ULK2: variants seen among roughly 807,000 people sequenced by gnomAD.
The protein encoded by ULK2 is unc-51 like autophagy activating kinase 2.
In ULK2, 76 loss-of-function variants were observed where a neutral mutation model predicts 127.5. The observed-to-expected ratio is 0.60, with a 90% CI of 0.50 to 0.72. The LOEUF is 0.72. ULK2 is among the 30% of genes least tolerant of loss of function. The probability of loss-of-function intolerance (pLI) is 0.00; values close to 1 mark genes in which losing one functional copy is unlikely to be tolerated. For synonymous variants in ULK2, 452 were observed against 461.9 expected, an observed-to-expected ratio of 0.98 and a Z score of 0.28; for missense variants, 1,144 against 1,295.9, an observed-to-expected ratio of 0.88 and a Z score of 1.80.
intron 2 of ULK2, among the ~76,000 whole-genome samples, chr17:19,865,068 A>C (rs2042324641): frequency 6.6e-6 from 1 of 151,188 alleles, no homozygotes; most frequent in Non-Finnish European, 1.5e-5. Context: ...TACAATTCTT[A>C]AAAAAGAGCT....
chr17:19,777,716 C>G lies in ULK2; in HGVS notation c.2917G>C (p.Val973Leu). Residue 973 changes from valine to leucine, a missense_variant and splice_region_variant, in exon 26 of 27, where the codon GTT (valine) becomes CTT (leucine). Physicochemically the swap from Val to Leu is conservative, Grantham distance 32. Around this residue, in one of 2 missense-constraint regions of ULK2, gnomAD observed 913 missense variants for 970.5 expected, o/e 0.94. Coordinates refer to ENST00000395544, the MANE Select transcript of ULK2 (RefSeq NM_014683.4). ...ATCTCATCCAGGGCTGCAGACTGAA[C>G]CTGGAACCAGTCAACAAAAACACAA... The part of the protein sequence containing the change: ...KLIYNCAVEM[V>L]QSAALDEMFQ... 6.3e-7 allele frequency: 1 copy of G among 1,595,048 alleles called. No individual in the cohort carries two copies.
At chr17:19,845,190 A>G in intron 7 of ULK2, 114 bp downstream of exon 7, 1 of 901,478 alleles carries the variant, frequency 1.1e-6, no homozygotes, top group Admixed American at 2.4e-5. Flanking sequence ...CATTAGTAAT[A>G]ACAACTTGGA....
chr17:19,827,777 G>A lies in ULK2; in HGVS notation c.788-1591C>T, dbSNP rs192104993. Reference sequence around the variant, plus strand: ...AAATACAAAATTAACAGGCATGGTGGCACATGCCTGTAATCCCAGCTACTC... The same window carrying A: ...AAATACAAAATTAACAGGCATGGTGACACATGCCTGTAATCCCAGCTACTC... On this transcript the variant is annotated intron_variant, in intron 10 of 26. Coordinates refer to ENST00000395544, the MANE Select transcript of ULK2 (RefSeq NM_014683.4). Among the ~76,000 whole-genome samples, 236 of 152,228 alleles carry A rather than the reference G, an allele frequency of 1.6e-3. 2 individuals are homozygous for A. The highest frequency in any genetic ancestry group is 2.1e-3 in the Non-Finnish European group (144 of 68,028).
rs141346812 is a variant in ULK2, at chr17:19,797,381, G to A, written c.1809+15C>T. On this transcript the variant is annotated intron_variant, in intron 18 of 26. Coordinates refer to ENST00000395544, the MANE Select transcript of ULK2 (RefSeq NM_014683.4). ...ATACCAGTTCCTGACCTACAAAAGG[G>A]TTTAATAAACAAACCTTAGTAGGAG... 5.0e-4 allele frequency: 806 copies of A among 1,605,684 alleles called. 4 individuals are homozygous for A. In the African/African-American group the frequency reaches 9.5e-3, roughly 19 times the overall value.
chr17:19,851,083 C>T (rs1352761089), intron 3 of ULK2, among the ~76,000 whole-genome samples: 4 of 148,862 alleles, frequency 2.7e-5, no homozygotes, highest in East Asian at 4.0e-4. Flanking sequence ...GAGGCTGAGG[C>T]GGGTGGATCA....
chr17:19,855,327 C>T lies in ULK2; in HGVS notation c.226-5553G>A, dbSNP rs1167596889. On this transcript the variant is annotated intron_variant, in intron 3 of 26. Coordinates refer to ENST00000395544, the MANE Select transcript of ULK2 (RefSeq NM_014683.4). ...GCTGAGGCAGGAGAATGGCGTGAAC[C>T]CGGGAGGCAGAGCTTGCAGTGAGCC... Among the ~76,000 whole-genome samples the T allele has an allele frequency of 3.3e-5, 5 of 151,822 alleles. No homozygotes were observed. In the East Asian group the frequency reaches 9.6e-4, roughly 29 times the overall value.
intron 12 of ULK2, among the ~76,000 whole-genome samples, chr17:19,822,053 T>C (rs1334967560): frequency 6.6e-6 from 1 of 151,610 alleles, no homozygotes; most frequent in Admixed American, 6.6e-5. Flanking sequence ...TGGCACAATC[T>C]CAGCTCACTG....
intron 11 of ULK2, 74 bp from the exon 12 acceptor site, chr17:19,825,256 C>A: frequency 7.9e-7 from 1 of 1,271,362 alleles, no homozygotes; most frequent in Non-Finnish European, 1.1e-6. Flanking sequence ...GAAACACTTG[C>A]CAAAACTACT....
In ULK2 at chr17:19,772,104, G is replaced by T. The variant is rs2086743698; in HGVS notation, c.*4245C>A. 1 of 152,474 alleles carries T rather than the reference G, an allele frequency of 6.6e-6. No individual in the cohort carries two copies. The highest frequency in any genetic ancestry group is 1.5e-5 in the Non-Finnish European group (1 of 68,264). 9.4% of individuals were successfully genotyped at this position (152,474 alleles called of 1,614,324 possible). ...CTGGGTCCTGGCTCTGGCCATCTCT[G>T]CACAGCCTCTGCTGGGCCACTCTGT... is the stretch of plus-strand genomic sequence containing the variant. On this transcript the variant is annotated 3_prime_UTR_variant, in exon 27 of 27. Transcript: ENST00000395544.
intron 3 of ULK2, among the ~76,000 whole-genome samples, chr17:19,860,341 C>T (rs1281641239): frequency 6.6e-6 from 1 of 152,074 alleles, no homozygotes; most frequent in East Asian, 1.9e-4. Context: ...TTATAAACTT[C>T]GGACAGATAA....
chr17:19,804,593 A>C (rs2152387178), intron 15 of ULK2, 100 bp downstream of exon 15: 1 of 1,332,320 alleles, frequency 7.5e-7, no homozygotes, highest in Non-Finnish European at 1.0e-6. Flanking sequence ...ACACACATGT[A>C]AGACACTATG....
intron 12 of ULK2, among the ~76,000 whole-genome samples, chr17:19,817,836 C>T (rs750805439): frequency 1.3e-5 from 2 of 152,138 alleles, no homozygotes; most frequent in African/African-American, 2.4e-5. Flanking sequence ...TGTCACTGTG[C>T]CATGGTATCG....
chr17:19,849,899 T>C (rs2041975238), intron 3 of ULK2, 125 bp from the exon 4 acceptor site: 2 of 578,976 alleles, frequency 3.5e-6, no homozygotes, highest in Non-Finnish European at 5.8e-6. Context: ...ACAAAATCTA[T>C]TAGAAAGTGA....
At chr17:19,830,495 C>T (rs1243889943) in intron 10 of ULK2, among the ~76,000 whole-genome samples, 2 of 152,038 alleles carry the variant, frequency 1.3e-5, no homozygotes, top group Non-Finnish European at 2.9e-5. Context: ...AGCCACCATG[C>T]CTGGCCCATA....
At chr17:19,780,825 C>G (rs533048479) in intron 24 of ULK2, among the ~76,000 whole-genome samples, 161 bp downstream of exon 24, 1 of 152,268 alleles carries the variant, frequency 6.6e-6, no homozygotes, top group East Asian at 1.9e-4. Flanking sequence ...AGACTTCTAT[C>G]AATTGAACTG....
In ULK2 at chr17:19,845,360, G is replaced by T. The variant is rs1311915196; in HGVS notation, c.487C>A (p.Arg163Ser). ...RIKIADFGFARYLHSNMMAAT... is the reference protein window; with the variant it reads ...RIKIADFGFASYLHSNMMAAT... ...GCCATCATGTTACTATGTAGGTAAC[G>T]AGCAAAACCAAAATCCGCTATTTCA... Residue 163 changes from arginine (R) to serine (S), a missense_variant, in exon 7 of 27, where the codon CGT (arginine) becomes AGT (serine). By Grantham distance (110) the Arg-to-Ser change is moderately radical. Coordinates refer to ENST00000395544, the MANE Select transcript of ULK2 (RefSeq NM_014683.4). 6.2e-7 allele frequency: 1 copy of T among 1,613,754 alleles called. No individual in the cohort carries two copies.
intron 20 of ULK2, 43 bp from the exon 21 acceptor site, chr17:19,786,129 G>A (rs2087026281): frequency 1.3e-6 from 2 of 1,523,430 alleles, no homozygotes; most frequent in African/African-American, 2.9e-5. Context: ...CCCTGATAGT[G>A]TTTATATCTG....
rs142816411 is a variant in ULK2 at position 19,783,852 on chromosome 17, C to T, written c.2305G>A (p.Val769Met). 71 of 1,588,188 alleles carry T rather than the reference C, an allele frequency of 4.5e-5. No homozygotes were observed. Among genetic ancestry groups the T allele is most frequent in the Admixed American group, 8.9e-5 (5 of 56,032 alleles). Residue 769 changes from valine (V) to methionine (M), a missense_variant, in exon 22 of 27, where the codon GTG (valine) becomes ATG (methionine). Physicochemically the swap from Val to Met is conservative, Grantham distance 21. Transcript: ENST00000395544. Reference protein sequence around the residue: ...SLCAMSGRVCVGSPPGPGFGS... With the variant: ...SLCAMSGRVCMGSPPGPGFGS... ...AAGCCTGGGCCAGGCGGGGACCCCA[C>T]GCACACGCGGCCACTCATGGCACAA...
At chr17:19,841,929 AT>A (rs1030584352) in intron 8 of ULK2, among the ~76,000 whole-genome samples, 1 of 152,158 alleles carries the variant, frequency 6.6e-6, no homozygotes, top group African/African-American at 2.4e-5. Context: ...GAAACTTAGA[AT>A]AGATTAAGGA....
Sources: gnomAD v4.1 joint callset for allele counts (sites outside exome capture counted in the v4.1 genomes callset) on GRCh38, gnomAD v4.1.1 for gene constraint, gnomAD v4.1.1 regional missense constraint, MANE v1.5 for transcripts, NCBI Gene and HGNC (gene_info 2026-07-23, HGNC 2026-07-21) for gene names.